SHANK2: variants seen among roughly 807,000 people sequenced by gnomAD.
The protein encoded by SHANK2 is SH3 and multiple ankyrin repeat domains protein 2.
Under a neutral mutation model 133.7 loss-of-function variants are expected in SHANK2, and 43 were observed. The ratio of observed to expected loss-of-function variants is 0.32; its 90% CI spans 0.25 to 0.41. The LOEUF (loss-of-function observed/expected upper bound fraction) is 0.41. Among genes scored for constraint, SHANK2 ranks in the 10% least tolerant of loss-of-function variants. The pLI is 1.00. For synonymous variants in SHANK2, 1,017 were observed against 952.8 expected (o/e 1.07, Z -1.24); for missense variants, 1,994 against 2,235.8 (o/e 0.89, Z 2.18).
At chr11:70,917,161 G>C (rs1384559603) in intron 10 of SHANK2, among the ~76,000 whole-genome samples, 2 of 152,020 alleles carry the variant, frequency 1.3e-5, no homozygotes, top group Non-Finnish European at 2.9e-5. Flanking sequence ...AGTTAAGGAT[G>C]CAAGAAAAAA....
chr11:71,207,241 G>A (rs917202883), intron 2 of SHANK2, among the ~76,000 whole-genome samples: 19 of 145,748 alleles, frequency 1.3e-4, no homozygotes, highest in South Asian at 2.2e-4. Flanking sequence ...GTGCAATGGC[G>A]CAATCTCGGC....
Position 70,535,492 on chromosome 11 carries a change from ATCCG to A in SHANK2, c.2062-32565_2062-32562del, listed in dbSNP as rs1415020763. 1.2e-4 allele frequency among the ~76,000 whole-genome samples: 18 copies of A among 150,642 alleles called. No homozygotes were observed. Among genetic ancestry groups the A allele is most frequent in the African/African-American group, 4.0e-4 (16 of 40,138 alleles). On this transcript the variant is annotated intron_variant, in intron 17 of 25. Transcript: ENST00000601538. This position sits in a 1 kb window ranked among gnomAD's most constrained non-coding sequence, Gnocchi z 4.3. ...CGTCCATCCATCCATCCATCCATCC[ATCCG>A]TCCGTCCGTCCATCTATTCATCCAT...
intron 11 of SHANK2, among the ~76,000 whole-genome samples, chr11:70,851,852 C>T (rs1555065572): frequency 6.6e-6 from 1 of 152,202 alleles, no homozygotes; most frequent in Non-Finnish European, 1.5e-5. Context: ...TGCTAATCAT[C>T]CTGAGTGGAT....
intron 10 of SHANK2, among the ~76,000 whole-genome samples, chr11:70,935,680 C>T (rs782084942): frequency 7.9e-5 from 12 of 152,024 alleles, no homozygotes; most frequent in Non-Finnish European, 1.6e-4. Context: ...TGCCGGGCCC[C>T]GAGTGGGACA....
At chr11:70,828,116 GAAAAATAATTT>G (rs1555057590) in intron 11 of SHANK2, among the ~76,000 whole-genome samples, 2 of 152,126 alleles carry the variant, frequency 1.3e-5, no homozygotes, top group Non-Finnish European at 2.9e-5. Context: ...CCGTTTCCAT[GAAAAATAATTT>G]AAAAACATTA....
At chr11:70,888,921 GCC>G (rs1486269713) in intron 11 of SHANK2, among the ~76,000 whole-genome samples, 1 of 152,170 alleles carries the variant, frequency 6.6e-6, no homozygotes, top group Admixed American at 6.5e-5. Context: ...ATTGCCTGAG[GCC>G]CCACCACGTG....
At chr11:70,829,402 C>T (rs1408744135) in intron 11 of SHANK2, among the ~76,000 whole-genome samples, 2 of 152,120 alleles carry the variant, frequency 1.3e-5, no homozygotes, top group African/African-American at 4.8e-5. Context: ...GCAGGGGTTC[C>T]ATGAACCCTG....
chr11:70,891,843 T>G (rs186392772), intron 11 of SHANK2, among the ~76,000 whole-genome samples: 1 of 152,098 alleles, frequency 6.6e-6, no homozygotes, highest in South Asian at 2.1e-4. Flanking sequence ...CCAGTGACAA[T>G]TGAAAATTTC....
chr11:70,724,014 T>C (rs533406514), intron 14 of SHANK2, among the ~76,000 whole-genome samples: 41 of 148,426 alleles, frequency 2.8e-4, no homozygotes, highest in African/African-American at 1.0e-3. Context: ...TCAAGAGGTG[T>C]GTTCTGGAGG....
chr11:70,506,146 G>A (rs1056662431), intron 17 of SHANK2, among the ~76,000 whole-genome samples: 3 of 152,220 alleles, frequency 2.0e-5, no homozygotes, highest in Admixed American at 6.5e-5. Flanking sequence ...GCTTGGCTGC[G>A]GGGCCAAGGA....
At chr11:71,210,252 ATT>A (rs374399120) in intron 2 of SHANK2, among the ~76,000 whole-genome samples, 87 of 99,088 alleles carry the variant, frequency 8.8e-4, no homozygotes, top group East Asian at 6.1e-3. Context: ...ATATATATAT[ATT>A]TATTTATTTT....
At chr11:71,232,550 TCTCCTC>T (rs781874391) in intron 1 of SHANK2, among the ~76,000 whole-genome samples, 8 of 150,600 alleles carry the variant, frequency 5.3e-5, no homozygotes, top group African/African-American at 9.8e-5. Context: ...TCCCCCCTCC[TCTCCTC>T]CTCCTCCTCC....
intron 17 of SHANK2, among the ~76,000 whole-genome samples, chr11:70,549,842 T>G (rs1005388393): frequency 6.6e-6 from 1 of 152,236 alleles, no homozygotes; most frequent in South Asian, 2.1e-4. Context: ...TACCTCCATG[T>G]TTGGGTTTTT....
At chr11:70,674,559 G>C (rs2134348757) in intron 15 of SHANK2, among the ~76,000 whole-genome samples, 1 of 152,316 alleles carries the variant, frequency 6.6e-6, no homozygotes, top group South Asian at 2.1e-4. Flanking sequence ...ATGTTGGCCA[G>C]GCTGGTCTCG....
At chr11:71,137,718 A>G (rs1365756705) in intron 3 of SHANK2, among the ~76,000 whole-genome samples, 2 of 152,146 alleles carry the variant, frequency 1.3e-5, no homozygotes, top group Admixed American at 1.3e-4. Flanking sequence ...ACCTGGAAAA[A>G]TCCACCCGAG....
At chr11:70,832,478 C>G (rs540419752) in intron 11 of SHANK2, among the ~76,000 whole-genome samples, 11 of 152,338 alleles carry the variant, frequency 7.2e-5, no homozygotes, top group African/African-American at 2.6e-4. Flanking sequence ...CAGGAGCCTC[C>G]CAGCTTCTCA....
At chr11:70,478,197 G>A (rs1416590324) in intron 25 of SHANK2, among the ~76,000 whole-genome samples, 2 of 151,072 alleles carry the variant, frequency 1.3e-5, no homozygotes, top group South Asian at 2.1e-4. Flanking sequence ...TTTTGGAGAC[G>A]GGGTCATGCA....
chr11:71,085,934 TATATTA>T (rs1951395449), intron 8 of SHANK2, among the ~76,000 whole-genome samples: 46 of 288 alleles, frequency 0.16, no homozygotes, highest in Admixed American at 0.25. Context: ...TAAATTGTTA[TATATTA>T]ATATGTTATA....
At chr11:70,594,855 TC>T (rs1334316718) in intron 17 of SHANK2, among the ~76,000 whole-genome samples, 16 of 152,050 alleles carry the variant, frequency 1.1e-4, no homozygotes, top group African/African-American at 3.9e-4. Flanking sequence ...CCACCCATGC[TC>T]CTCCAGCCCT....
Sources: gnomAD v4.1 joint callset for allele counts (sites outside exome capture counted in the v4.1 genomes callset) on GRCh38, gnomAD v4.1.1 for gene constraint, Gnocchi (gnomAD v3.1) non-coding constraint, MANE v1.5 for transcripts, NCBI Gene and HGNC (gene_info 2026-07-23, HGNC 2026-07-21) for gene names.